DYNC2LI1: variants seen among roughly 807,000 people sequenced by gnomAD.
DYNC2LI1 encodes cytoplasmic dynein 2 light intermediate chain 1.
Under a neutral mutation model 51.9 loss-of-function variants are expected in DYNC2LI1, and 45 were observed. That is an observed-to-expected ratio of 0.87 (90% CI 0.68 to 1.11). The LOEUF (loss-of-function observed/expected upper bound fraction) is 1.11, where lower values mean the gene tolerates loss of function less well. Ranked by LOEUF, DYNC2LI1 falls within the 50% of genes most tolerant of loss-of-function variation. The pLI is 0.00. For missense variants in DYNC2LI1, 490 were observed against 417.4 expected, an observed-to-expected ratio of 1.17 and a Z score of -1.51; for synonymous variants, 130 against 137.8, an observed-to-expected ratio of 0.94 and a Z score of 0.40.
chr2:43,825,083 T>G, the DYNC2LI1 span: 2 of 1,588,220 alleles, frequency 1.3e-6, no homozygotes, highest in Non-Finnish European at 8.6e-7. Context: ...TGAATGTCTC[T>G]GGGAACACTG....
At chr2:43,797,309 C>G (rs1241544787) in intron 8 of DYNC2LI1, among the ~76,000 whole-genome samples, 1 of 152,008 alleles carries the variant, frequency 6.6e-6, no homozygotes, top group East Asian at 1.9e-4. Context: ...GCCTCATTGT[C>G]CTCCAGGGTA....
chr2:43,805,343 T>TA, intron 12 of DYNC2LI1, 97 bp downstream of exon 12: 2 of 665,246 alleles, frequency 3.0e-6, no homozygotes, highest in Non-Finnish European at 5.2e-6. Flanking sequence ...TGTATTTACT[T>TA]AGAGTATCTT....
intron 6 of DYNC2LI1, 107 bp from the exon 7 acceptor site, chr2:43,795,783 C>A (rs186570338): frequency 6.4e-6 from 5 of 786,734 alleles, no homozygotes; most frequent in South Asian, 1.6e-5. Context: ...ATTAAGTAAA[C>A]ATCTATGAAG....
chr2:43,801,229 A>G (rs948605599), intron 9 of DYNC2LI1: 33 of 155,916 alleles, frequency 2.1e-4, no homozygotes, highest in Admixed American at 1.4e-3. Context: ...AAAATGTTAC[A>G]TAACATTTAG....
At chr2:43,826,957 A>C in the DYNC2LI1 span, among the ~76,000 whole-genome samples, 2 of 152,246 alleles carry the variant, frequency 1.3e-5, no homozygotes, top group Admixed American at 1.3e-4. Flanking sequence ...AAATCTGACG[A>C]ATAAAACAAG....
chr2:43,821,964 A>C, the DYNC2LI1 span, among the ~76,000 whole-genome samples: 1 of 151,614 alleles, frequency 6.6e-6, no homozygotes, highest in African/African-American at 2.4e-5. Context: ...CCCTATCCCT[A>C]CCTTGGTCTA....
In DYNC2LI1 at chr2:43,796,034, T is replaced by C. The variant is rs930708244; in HGVS notation, c.576+76T>C. The C allele has an allele frequency of 4.9e-6, 5 of 1,015,264 alleles. No individual in the cohort carries two copies. In the East Asian group the frequency reaches 9.9e-5, roughly 20 times the overall value. 62.9% of individuals were successfully genotyped at this position (1,015,264 alleles called of 1,614,324 possible). ...TTTTATGAGGGAGGTACAAAAATAA[T>C]ATCAAAATAAGAAAAATAATTATTG... On this transcript the variant is annotated intron_variant, in intron 7 of 12. Coordinates refer to ENST00000260605, the MANE Select transcript of DYNC2LI1 (RefSeq NM_016008.4).
At chr2:43,807,847 C>T (rs1229461215) in intron 12 of DYNC2LI1, among the ~76,000 whole-genome samples, 4 of 149,870 alleles carry the variant, frequency 2.7e-5, no homozygotes, top group Admixed American at 2.7e-4. Flanking sequence ...TACTTGCTAT[C>T]CCTTTAAAAC....
chr2:43,796,897 G>T, intron 8 of DYNC2LI1, 102 bp downstream of exon 8: 2 of 885,308 alleles, frequency 2.3e-6, no homozygotes, highest in South Asian at 1.5e-5. Context: ...TTTTGCTAAT[G>T]CACATGGTCC....
chr2:43,784,282 A>G (rs949518093), intron 3 of DYNC2LI1, among the ~76,000 whole-genome samples: 3 of 152,246 alleles, frequency 2.0e-5, no homozygotes, highest in Non-Finnish European at 1.5e-5. Context: ...GGAACTATCA[A>G]CAGTAACACC....
intron 3 of DYNC2LI1, among the ~76,000 whole-genome samples, chr2:43,785,104 C>G (rs1478789553): frequency 1.3e-5 from 2 of 151,900 alleles, no homozygotes; most frequent in Admixed American, 6.6e-5. Context: ...TCAAGACCAG[C>G]TTGGCCAACA....
chr2:43,813,162 A>G (rs745775861), downstream of DYNC2LI1: 20 of 1,474,960 alleles, frequency 1.4e-5, no homozygotes, highest in South Asian at 2.2e-4. Flanking sequence ...AACTATTCCT[A>G]GGATGACAAG....
At position 43,776,804 on chromosome 2, in the gene DYNC2LI1, A is replaced by G. The variant is rs753280790; in HGVS notation, c.31A>G (p.Lys11Glu). The part of the protein sequence containing the change: MPSETLWEIA[K>E]AEVEKRGING... ...TAGTGAAACTCTCTGGGAAATTGCAAAAGCTGAAGTGGAAAAAAGGGGAAT... is the reference window on the plus strand; with the variant it reads ...TAGTGAAACTCTCTGGGAAATTGCAGAAGCTGAAGTGGAAAAAAGGGGAAT... The change falls in exon 2 of 13, where the codon AAA (lysine) becomes GAA (glutamate). Residue 11 changes from lysine to glutamate, a missense_variant. Coordinates refer to ENST00000260605, the MANE Select transcript of DYNC2LI1 (RefSeq NM_016008.4). 1.3e-6 allele frequency: 2 copies of G among 1,588,430 alleles called. No individual in the cohort carries two copies. Among genetic ancestry groups the G allele is most frequent in the Non-Finnish European group, 1.7e-6 (2 of 1,167,570 alleles).
the DYNC2LI1 span, among the ~76,000 whole-genome samples, chr2:43,819,616 G>A: frequency 1.3e-5 from 2 of 152,050 alleles, no homozygotes; most frequent in Admixed American, 6.6e-5. Flanking sequence ...TGGGCTGTGA[G>A]TTTTTCCTGG....
chr2:43,824,025 A>G, the DYNC2LI1 span: 1 of 1,614,224 alleles, frequency 6.2e-7, no homozygotes, highest in Admixed American at 1.7e-5. Context: ...GGACCCGCAG[A>G]ACGAAGAAAA....
chr2:43,784,912 G>C (rs1673454391), intron 3 of DYNC2LI1, among the ~76,000 whole-genome samples: 1 of 152,094 alleles, frequency 6.6e-6, no homozygotes, highest in African/African-American at 2.4e-5. Context: ...GTATTCAAAA[G>C]ATGTATGCAG....
chr2:43,809,939 A>G lies in DYNC2LI1; in HGVS notation c.*172A>G. On this transcript the variant is annotated 3_prime_UTR_variant, in exon 13 of 13. Transcript: ENST00000260605. ...TCCCTGTATATCTTGAAGCTTTTTA[A>G]AAGGAAAAATTATTGTAGAACCACG... The G allele has an allele frequency of 7.4e-7, 1 of 1,344,086 alleles. No individual in the cohort carries two copies. Among genetic ancestry groups the G allele is most frequent in the Non-Finnish European group, 9.6e-7 (1 of 1,044,916 alleles). 83.3% of individuals were successfully genotyped at this position (1,344,086 alleles called of 1,614,324 possible). A position where few individuals can be genotyped will look rare whatever the true frequency, so the allele number is the denominator to read the frequency against.
At chr2:43,797,207 A>G (rs1665896059) in intron 8 of DYNC2LI1, among the ~76,000 whole-genome samples, 1 of 152,232 alleles carries the variant, frequency 6.6e-6, no homozygotes, top group Admixed American at 6.5e-5. Context: ...AGTTAAAAAC[A>G]TGAAATCTGA....
At chr2:43,805,452 T>G in intron 12 of DYNC2LI1, 1 of 301,668 alleles carries the variant, frequency 3.3e-6, no homozygotes, top group Non-Finnish European at 6.1e-6. Flanking sequence ...AAAGAAAAAT[T>G]TTTAAATCAC....
Sources: gnomAD v4.1 joint callset for allele counts (sites outside exome capture counted in the v4.1 genomes callset) on GRCh38, gnomAD v4.1.1 for gene constraint, MANE v1.5 for transcripts, NCBI Gene and HGNC (gene_info 2026-07-23, HGNC 2026-07-21) for gene names.